Variants in RCC1L observed in about 807,000 individuals in gnomAD.
RCC1L encodes RCC1 like.
In RCC1L, 46 loss-of-function variants were observed where a neutral mutation model predicts 58.6. That is an observed-to-expected ratio of 0.79 (90% confidence interval 0.62 to 1.00). The LOEUF (loss-of-function observed/expected upper bound fraction) is 1.00, where lower values mean the gene tolerates loss of function less well. Among genes scored for constraint, RCC1L ranks in the 50% least tolerant of loss-of-function variants. The pLI is 0.00. For missense variants in RCC1L, 636 were observed against 623.6 expected (o/e 1.02, Z -0.21); for synonymous variants, 281 against 262.9 (o/e 1.07, Z -0.67).
At position 75,058,573 on chromosome 7, in the gene RCC1L, T is replaced by G. The variant is rs2131995801; in HGVS notation, c.969+15A>C. 6.3e-7 allele frequency: 1 copy of G among 1,584,352 alleles called. No individual in the cohort carries two copies. The highest frequency in any genetic ancestry group is 8.6e-7 in the Non-Finnish European group (1 of 1,163,738). On this transcript the variant is annotated intron_variant, in intron 7 of 10. Coordinates refer to ENST00000610322, the MANE Select transcript of RCC1L (RefSeq NM_030798.5). Reference sequence around the variant, plus strand: ...TTCCAAACCTCCCAGCACCACGCTGTCGGCGACTGCATACCTGTGTGGAGT... The same window carrying G: ...TTCCAAACCTCCCAGCACCACGCTGGCGGCGACTGCATACCTGTGTGGAGT...
chr7:75,070,823 A>C (rs1806700751), intron 1 of RCC1L, 54 bp from the exon 2 acceptor site: 5 of 1,604,570 alleles, frequency 3.1e-6, no homozygotes, highest in Non-Finnish European at 4.3e-6. Context: ...AAGTTTGTTC[A>C]GTAGTAAATG....
At chr7:75,071,926 G>A (rs1414508515) in intron 1 of RCC1L, among the ~76,000 whole-genome samples, 4 of 150,944 alleles carry the variant, frequency 2.6e-5, no homozygotes, top group African/African-American at 9.7e-5. Context: ...TTTGAGCCTA[G>A]GCAACAAAGT....
intron 10 of RCC1L, among the ~76,000 whole-genome samples, chr7:75,031,411 A>G (rs1301482009): frequency 6.6e-6 from 1 of 152,138 alleles, no homozygotes; most frequent in Non-Finnish European, 1.5e-5. Context: ...TTGAAGAAAC[A>G]CAAAACCCTC....
intron 10 of RCC1L, among the ~76,000 whole-genome samples, chr7:75,036,991 C>T (rs1312389755): frequency 6.6e-6 from 1 of 152,094 alleles, no homozygotes; most frequent in Admixed American, 6.6e-5. Context: ...TGAGCCTATC[C>T]AGTCTGAGGC....
intron 10 of RCC1L, chr7:75,028,144 G>C: frequency 7.3e-7 from 1 of 1,364,772 alleles, no homozygotes; most frequent in Non-Finnish European, 9.7e-7. Flanking sequence ...TTGAGACGGA[G>C]TCTTGCTCTG....
Position 75,043,099 on chromosome 7 carries a change from G to A in RCC1L, c.1328C>T (p.Pro443Leu). The change falls in exon 11 of 11, where the codon CCT becomes CTT. Residue 443 changes from proline to leucine, a missense_variant. Physicochemically the swap from Pro to Leu is moderately conservative, Grantham distance 98. Transcript: ENST00000610322. ...ACATGCCACGTCCACAGGCTCCCCAGGCATCGTCACCTGAAAAATAAGATC... is the reference window on the plus strand; with the variant it reads ...ACATGCCACGTCCACAGGCTCCCCAAGCATCGTCACCTGAAAAATAAGATC... ...DQYFPWRVTMPGEPVDVACGV... is the reference protein window; with the variant it reads ...DQYFPWRVTMLGEPVDVACGV... 3 of 1,614,038 alleles carry A rather than the reference G, an allele frequency of 1.9e-6. No individual in the cohort carries two copies. The highest frequency in any genetic ancestry group is 1.7e-6 in the Non-Finnish European group (2 of 1,179,878).
chr7:75,043,521 G>T (rs1466330827), intron 10 of RCC1L, among the ~76,000 whole-genome samples: 1 of 152,194 alleles, frequency 6.6e-6, no homozygotes, highest in Non-Finnish European at 1.5e-5. Flanking sequence ...CATGCCCCCA[G>T]GCCAGGTGTT....
rs1220610507 is a variant in RCC1L at position 75,070,296 on chromosome 7, C to T, written c.454+344G>A. On this transcript the variant is annotated intron_variant, in intron 2 of 10. Transcript: ENST00000610322. ...CTTGAACACCAAAGGGAGGGCTGGG[C>T]GCTGTGCCTCATGCCTGTAATCACA... Among the ~76,000 whole-genome samples, 6 of 152,084 alleles carry T rather than the reference C, an allele frequency of 3.9e-5. No homozygotes were observed. The East Asian group carries it at 5.8e-4, about 15-fold the overall frequency.
rs1584481316 is a variant in RCC1L, at chr7:75,027,721, T to G, written c.*311A>C. The G allele has an allele frequency of 1.2e-5, 5 of 406,380 alleles. No homozygotes were observed. In the East Asian group the frequency reaches 2.8e-4, roughly 23 times the overall value. 25.2% of individuals were successfully genotyped at this position (406,380 alleles called of 1,614,324 possible). On this transcript the variant is annotated 3_prime_UTR_variant, in exon 11 of 11. Coordinates refer to the RCC1L transcript ENST00000614461. The stretch of plus-strand genomic sequence containing the variant: ...AGCTGCCCCCTGGGGACCCTGCTCC[T>G]CGGTCACAGGGGGCCCCTTTAGTTT...
chr7:75,027,835 T>C, exon 11 of RCC1L: 1 of 659,650 alleles, frequency 1.5e-6, no homozygotes. Flanking sequence ...CCACAGCTCT[T>C]CGGGGTGGGG....
At chr7:75,028,084 C>G (rs991216217) in intron 10 of RCC1L, 3 of 1,511,512 alleles carry the variant, frequency 2.0e-6, no homozygotes, top group Admixed American at 2.1e-5. Context: ...AGGTGCCTGG[C>G]GGGGGAGGAA....
rs1806163453 is a variant in RCC1L at position 75,058,669 on chromosome 7, C to G, written c.888G>C (p.Leu296=). Residue 296 remains leucine (L), a synonymous_variant, in exon 7 of 11, where the codon CTG becomes CTC. Transcript: ENST00000610322. ...AAAGTCCTCCGTCGGCGGACACGGC[C>G]AGGCAGCAATCACCGTAGGTGGCAA... ...IQVATYGDCC[L]AVSADGGLFG... 3 of 1,613,852 alleles carry G rather than the reference C, an allele frequency of 1.9e-6. No homozygotes were observed. Among genetic ancestry groups the G allele is most frequent in the Admixed American group, 1.7e-5 (1 of 59,992 alleles).
Position 75,067,633 on chromosome 7 carries a change from A to T in RCC1L, c.455-841T>A, listed in dbSNP as rs587641963. ...GGGAGACAGAGCGAGACACTGTTTT[A>T]AAAAAAAAATACAAAAATACAAAAA... is the stretch of plus-strand genomic sequence containing the variant. On this transcript the variant is annotated intron_variant, in intron 2 of 10. Transcript: ENST00000610322. 7.9e-5 allele frequency among the ~76,000 whole-genome samples: 10 copies of T among 126,504 alleles called. No individual in the cohort carries two copies. The South Asian group carries it at 1.4e-3, about 17-fold the overall frequency. The allele number at this position is 126,504 out of a possible 152,430, so 83.0% of individuals were successfully genotyped here. A position where few individuals can be genotyped will look rare whatever the true frequency, so the allele number is the denominator to read the frequency against.
intron 9 of RCC1L, 99 bp from the exon 10 acceptor site, chr7:75,052,895 C>T: frequency 1.9e-6 from 2 of 1,078,404 alleles, no homozygotes; most frequent in South Asian, 2.7e-5. Context: ...GAACCAGATA[C>T]CTACAGAGCC....
exon 11 of RCC1L, chr7:75,027,543 G>A (rs1486561763): frequency 6.2e-6 from 1 of 161,082 alleles, no homozygotes; most frequent in African/African-American, 2.4e-5. Flanking sequence ...TGCAAGCTTA[G>A]AAATCTCAGG....
In RCC1L at chr7:75,070,645, T is replaced by C. The variant is rs147394495; in HGVS notation, c.449A>G (p.Asp150Gly). 1 of 1,613,948 alleles carries C rather than the reference T, an allele frequency of 6.2e-7. No individual in the cohort carries two copies. Among genetic ancestry groups the C allele is most frequent in the Non-Finnish European group, 8.5e-7 (1 of 1,179,920 alleles). ...SQLGFHRSRK[D>G]KTRGYEYVLE... ...GACAAGGTAGGGATGCTCACTTTTA[T>C]CTTTCCGGCTCCTGTGAAATCCAAG... Residue 150 changes from aspartate (D) to glycine (G), a missense_variant, in exon 2 of 11, where the codon GAT (aspartate) becomes GGT (glycine). By Grantham distance (94) the Asp-to-Gly change is moderately conservative. Transcript: ENST00000610322.
downstream of RCC1L, among the ~76,000 whole-genome samples, chr7:75,037,794 C>T (rs1805460941): frequency 6.6e-6 from 1 of 151,914 alleles, no homozygotes; most frequent in Non-Finnish European, 1.5e-5. Context: ...CAGGCGTGAG[C>T]CACCACACCT....
chr7:75,056,653 G>C, intron 8 of RCC1L: 1 of 1,535,440 alleles, frequency 6.5e-7, no homozygotes, highest in Non-Finnish European at 8.7e-7. Flanking sequence ...CAGGCTAAGG[G>C]AGGGGAATGA....
chr7:75,072,161 C>CATATACATATACATAT (rs1455614533), intron 1 of RCC1L, among the ~76,000 whole-genome samples: 8 of 46,366 alleles, frequency 1.7e-4, no homozygotes, highest in Admixed American at 3.9e-4. Flanking sequence ...TATACATATA[C>CATATACATATACATAT]ATATATATAT....
Sources: allele counts gnomAD v4.1 joint callset (sites outside exome capture counted in the v4.1 genomes callset), GRCh38; gene constraint gnomAD v4.1.1; transcripts MANE v1.5; gene names NCBI Gene and HGNC (gene_info 2026-07-23, HGNC 2026-07-21).